PLS3: variants seen among roughly 807,000 people sequenced by gnomAD.
The protein encoded by PLS3 is plastin-3.
PLS3 carries 11 observed loss-of-function variants against 46.5 expected under a neutral mutation model. That is an observed-to-expected ratio of 0.24 (90% CI 0.15 to 0.39). PLS3 has a LOEUF of 0.39. Ranked by LOEUF, PLS3 falls within the 10% of genes least tolerant of loss-of-function variation. The pLI, the probability that PLS3 is intolerant of heterozygous loss-of-function variation, is 1.00. For synonymous variants in PLS3, 167 were observed against 162.2 expected (o/e 1.03, Z -0.22); for missense variants, 308 against 461.8 (o/e 0.67, Z 3.05).
At position 115,617,689 on chromosome X, in the gene PLS3, C is replaced by T. The variant is rs782627099; in HGVS notation, c.74-4557C>T. On this transcript the variant is annotated intron_variant, in intron 2 of 15. Transcript: ENST00000355899. ...GTCATGTAATGACAAATTCTTATTC[C>T]TCCAATTTCCTTTAAAATTTTCCTG... Among the ~76,000 whole-genome samples the T allele has an allele frequency of 5.4e-5, 6 of 111,943 alleles. No individual in the cohort carries two copies. The East Asian group carries it at 1.4e-3, about 26-fold the overall frequency.
chrX:115,647,912 G>C lies in PLS3; in HGVS notation c.1655G>C (p.Ser552Thr). ...QSFKDKTISS[S>T]LAVVDLIDAI... ...CACTAGGACAAGACGATCAGCTCCA[G>C]TTTGGCAGTTGTGGATTTAATTGAT... Residue 552 changes from serine to threonine, a missense_variant, in exon 15 of 16, where the codon AGT (serine) becomes ACT (threonine). Physicochemically the swap from Ser to Thr is moderately conservative, Grantham distance 58 (BLOSUM62 1). Around this residue, in one of 2 missense-constraint regions of PLS3, gnomAD observed 271 missense variants for 435.7 expected, o/e 0.62. Coordinates refer to ENST00000355899, the MANE Select transcript of PLS3 (RefSeq NM_005032.7). 8.3e-7 allele frequency: 1 copy of C among 1,203,144 alleles called. No homozygotes were observed. The highest frequency in any genetic ancestry group is 1.1e-6 in the Non-Finnish European group (1 of 887,665).
At chrX:115,628,968 G>A (rs1556638829) in intron 3 of PLS3, among the ~76,000 whole-genome samples, 1 of 111,547 alleles carries the variant, frequency 9.0e-6, no homozygotes, top group East Asian at 2.8e-4. Flanking sequence ...AATGCATGTA[G>A]CGCTTAATGT....
chrX:115,643,904 G>A (rs1276567568), intron 10 of PLS3, among the ~76,000 whole-genome samples: 3 of 111,505 alleles, frequency 2.7e-5, no homozygotes, highest in Admixed American at 9.6e-5. Flanking sequence ...TCTGGGAGAC[G>A]GAGGTTACAG....
At chrX:115,640,320 C>A in intron 8 of PLS3, 88 bp from the exon 9 acceptor site, 1 of 688,127 alleles carries the variant, frequency 1.5e-6, no homozygotes, top group Non-Finnish European at 2.3e-6. Context: ...TCAAAAAATC[C>A]AATGCAAATA....
chrX:115,581,958 TC>T (rs1273131595), intron 1 of PLS3, among the ~76,000 whole-genome samples: 10 of 111,964 alleles, frequency 8.9e-5, no homozygotes, highest in African/African-American at 3.2e-4. Context: ...ATGTGTTACT[TC>T]CCACTTACTC....
intron 2 of PLS3, chrX:115,610,852 G>T: frequency 9.0e-7 from 1 of 1,106,175 alleles, no homozygotes; most frequent in South Asian, 2.1e-5. Flanking sequence ...AAGATGAGAA[G>T]GCATAGCATG....
intron 1 of PLS3, among the ~76,000 whole-genome samples, chrX:115,587,991 A>G (rs1569526672): frequency 8.9e-6 from 1 of 112,150 alleles, no homozygotes; most frequent in Non-Finnish European, 1.9e-5. Context: ...AATCGACAGT[A>G]TAATTAATGA....
At chrX:115,580,314 T>G (rs782491303) in intron 1 of PLS3, among the ~76,000 whole-genome samples, 1 of 112,509 alleles carries the variant, frequency 8.9e-6, no homozygotes, top group African/African-American at 3.2e-5. Context: ...CCTAAAGTTT[T>G]ATAGTTTTAT....
chrX:115,582,983 G>C (rs782043923), intron 1 of PLS3, among the ~76,000 whole-genome samples: 15 of 111,941 alleles, frequency 1.3e-4, no homozygotes, highest in Non-Finnish European at 2.6e-4. Flanking sequence ...TCAGGCTGCT[G>C]TAAGCTGTGA....
At position 115,625,081 on chromosome X, in the gene PLS3, T is replaced by A. The variant is rs188559513; in HGVS notation, c.237+2672T>A. Among the ~76,000 whole-genome samples, 8 of 111,938 alleles carry A rather than the reference T, an allele frequency of 7.1e-5. No individual in the cohort carries two copies. In the East Asian group the frequency reaches 2.2e-3, roughly 31 times the overall value. The stretch of plus-strand genomic sequence containing the variant: ...TGTCTGTCCGCACCCATCTGCCTTG[T>A]CATCAGTGAAACATCTTACAAATTG... On this transcript the variant is annotated intron_variant, in intron 3 of 15. Transcript: ENST00000355899.
intron 1 of PLS3, among the ~76,000 whole-genome samples, chrX:115,602,211 A>G (rs1309926653): frequency 9.0e-6 from 1 of 111,693 alleles, no homozygotes; most frequent in Non-Finnish European, 1.9e-5. Context: ...TGTTTCCCCC[A>G]CTAGACAGTA....
intron 2 of PLS3, among the ~76,000 whole-genome samples, chrX:115,611,770 TGACGAGTAAAA>T (rs1366171297): frequency 8.9e-6 from 1 of 111,743 alleles, no homozygotes; most frequent in Non-Finnish European, 1.9e-5. Flanking sequence ...GGAATACATT[TGACGAGTAAAA>T]GAACTTCATT....
At chrX:115,581,808 G>T (rs1312114561) in intron 1 of PLS3, among the ~76,000 whole-genome samples, 7 of 111,947 alleles carry the variant, frequency 6.3e-5, no homozygotes, top group African/African-American at 2.3e-4. Flanking sequence ...AGACTTAGCA[G>T]GAATTTGAAA....
intron 1 of PLS3, among the ~76,000 whole-genome samples, chrX:115,600,666 T>G (rs1473757975): frequency 8.9e-6 from 1 of 112,580 alleles, no homozygotes; most frequent in Non-Finnish European, 1.9e-5. Context: ...CTGAACCAAG[T>G]AGGACAATGG....
At chrX:115,629,734 A>G (rs370904436) in intron 4 of PLS3, 101 bp from the exon 5 acceptor site, 3 of 517,616 alleles carry the variant, frequency 5.8e-6, no homozygotes, top group East Asian at 3.7e-5. Context: ...TTTCTGACAC[A>G]TTAACTTTCA....
chrX:115,598,296 A>T (rs1556634114), intron 1 of PLS3, among the ~76,000 whole-genome samples: 1 of 109,186 alleles, frequency 9.2e-6, no homozygotes, highest in Admixed American at 9.9e-5. Context: ...CTATTTCAAA[A>T]AAAAAAAAAA....
At chrX:115,647,796 C>A in intron 14 of PLS3, 97 bp from the exon 15 acceptor site, 1 of 1,143,371 alleles carries the variant, frequency 8.7e-7, no homozygotes, top group Non-Finnish European at 1.2e-6. Flanking sequence ...CAATTCTTTA[C>A]GAATTCACTG....
chrX:115,640,661 T>A (rs2074885724), intron 9 of PLS3, among the ~76,000 whole-genome samples, 158 bp downstream of exon 9: 2 of 112,078 alleles, frequency 1.8e-5, no homozygotes, highest in South Asian at 7.4e-4. Context: ...GCCAGAAAAC[T>A]AGCTTTGATT....
chrX:115,638,525 A>T (rs1257416942), intron 8 of PLS3, among the ~76,000 whole-genome samples: 3 of 111,154 alleles, frequency 2.7e-5, no homozygotes, highest in Non-Finnish European at 5.7e-5. Flanking sequence ...GATTACAGGC[A>T]TGAGCCATGG....
Sources: gnomAD v4.1 joint callset for allele counts (sites outside exome capture counted in the v4.1 genomes callset) on GRCh38, gnomAD v4.1.1 for gene constraint, gnomAD v4.1.1 regional missense constraint, MANE v1.5 for transcripts, NCBI Gene and HGNC (gene_info 2026-07-23, HGNC 2026-07-21) for gene names.